Variants in IGDCC3 observed in about 807,000 individuals in gnomAD.
IGDCC3 encodes putative neuronal cell adhesion molecule.
In IGDCC3, 47 loss-of-function variants were observed where a neutral mutation model predicts 72.0. The observed-to-expected ratio is 0.65, with a 90% confidence interval of 0.52 to 0.83. IGDCC3 has a LOEUF of 0.83. Ranked by LOEUF, IGDCC3 falls within the 40% of genes least tolerant of loss-of-function variation. The pLI is 0.00. For synonymous variants in IGDCC3, 477 were observed against 472.8 expected (o/e 1.01, Z -0.11); for missense variants, 1,038 against 1,091.3 (o/e 0.95, Z 0.69).
chr15:65,353,414 C>T (rs2091187382), intron 2 of IGDCC3, among the ~76,000 whole-genome samples: 1 of 152,070 alleles, frequency 6.6e-6, no homozygotes, highest in Non-Finnish European at 1.5e-5. Context: ...TCATGCCTGG[C>T]TAATTTTTTG....
intron 2 of IGDCC3, among the ~76,000 whole-genome samples, chr15:65,357,101 C>T (rs1240066555): frequency 6.6e-6 from 1 of 151,912 alleles, no homozygotes; most frequent in Non-Finnish European, 1.5e-5. Flanking sequence ...ATCCGCCCAC[C>T]TCAGCCTCCC....
At chr15:65,335,554 G>A in intron 3 of IGDCC3, 133 bp from the exon 4 acceptor site, 1 of 999,686 alleles carries the variant, frequency 1.0e-6, no homozygotes, top group Middle Eastern at 2.3e-4. Flanking sequence ...CACACACTGG[G>A]ACTTTCAAAG....
At chr15:65,330,786 C>CTATA in intron 9 of IGDCC3, 45 bp from the exon 10 acceptor site, 1 of 1,423,432 alleles carries the variant, frequency 7.0e-7, no homozygotes. Flanking sequence ...CCAGTGGAAG[C>CTATA]TCTATCTTTC....
Position 65,327,131 on chromosome 15 carries a change from C to T in IGDCC3, c.*1778G>A, listed in dbSNP as rs2090924992. The T allele has an allele frequency of 6.5e-6, 1 of 152,772 alleles. No homozygotes were observed. The highest frequency in any genetic ancestry group is 2.4e-5 in the African/African-American group (1 of 41,462). 9.5% of individuals were successfully genotyped at this position (152,772 alleles called of 1,614,324 possible). A position where few individuals can be genotyped will look rare whatever the true frequency, so the allele number is the denominator to read the frequency against. Reference sequence around the variant, plus strand: ...CAACCACCCAAAAACTCCAGGTTCACTTTGGCAACAGGACTTTTATTCAGT... The same window carrying T: ...CAACCACCCAAAAACTCCAGGTTCATTTTGGCAACAGGACTTTTATTCAGT... On this transcript the variant is annotated 3_prime_UTR_variant, in exon 14 of 14. Coordinates refer to ENST00000327987, the MANE Select transcript of IGDCC3 (RefSeq NM_004884.4).
intron 1 of IGDCC3, among the ~76,000 whole-genome samples, chr15:65,376,263 G>C (rs1232418292): frequency 2.0e-5 from 3 of 152,228 alleles, no homozygotes; most frequent in Non-Finnish European, 4.4e-5. Flanking sequence ...GAAATGAGCA[G>C]GAAAAGAAGG....
chr15:65,329,164 G>C lies in IGDCC3; in HGVS notation c.2206-16C>G. 1 of 1,596,510 alleles carries C rather than the reference G, an allele frequency of 6.3e-7. No homozygotes were observed. The highest frequency in any genetic ancestry group is 1.1e-5 in the South Asian group (1 of 88,638). ...CAGGATCCTGCTGGGGAAAGAGCCC[G>C]TCACACAGGCGTCAGCTTGAGGGCC... On this transcript the variant is annotated splice_polypyrimidine_tract_variant and intron_variant, in intron 13 of 13. Coordinates refer to ENST00000327987, the MANE Select transcript of IGDCC3 (RefSeq NM_004884.4). The surrounding 1 kb of genome is among the most constrained non-coding windows in gnomAD (Gnocchi z 4.1).
chr15:65,337,844 T>G (rs581427), intron 2 of IGDCC3, among the ~76,000 whole-genome samples: 71,676 of 152,040 alleles, frequency 0.47, 19,202 homozygotes, highest in African/African-American at 0.74. Flanking sequence ...TCCAGCTGGA[T>G]AGGAGTTCCC....
At chr15:65,375,499 T>C in intron 1 of IGDCC3, 97 bp from the exon 2 acceptor site, 1 of 890,504 alleles carries the variant, frequency 1.1e-6, no homozygotes, top group Non-Finnish European at 1.7e-6. Flanking sequence ...GTTCCTTGGG[T>C]CTATGCACCC....
At chr15:65,367,226 A>G (rs1318853730) in intron 2 of IGDCC3, among the ~76,000 whole-genome samples, 3 of 151,918 alleles carry the variant, frequency 2.0e-5, no homozygotes, top group Non-Finnish European at 2.9e-5. Flanking sequence ...CATGCCTGTA[A>G]TCTCAGCTAT....
In IGDCC3 at chr15:65,331,092, T is replaced by C. The variant is rs759588889; in HGVS notation, c.1519A>G (p.Ser507Gly). ...GCTAGGGTGGGCACAGAGGCTGAGC[T>C]GGCCCCCCTTGGTGTGTAGGCCTTG... Reference protein sequence around the residue: ...YIKAYTPRGASSASVPTLAST... With the variant: ...YIKAYTPRGAGSASVPTLAST... The change falls in exon 9 of 14, where the codon AGC becomes GGC. Residue 507 changes from serine (S) to glycine (G), a missense_variant. Transcript: ENST00000327987. The C allele has an allele frequency of 5.6e-6, 9 of 1,614,038 alleles. No individual in the cohort carries two copies. The highest frequency in any genetic ancestry group is 6.8e-6 in the Non-Finnish European group (8 of 1,180,040).
chr15:65,338,247 C>A (rs183884102), intron 2 of IGDCC3, among the ~76,000 whole-genome samples: 25 of 152,382 alleles, frequency 1.6e-4, no homozygotes, highest in African/African-American at 5.0e-4. Flanking sequence ...TCCGTCAGAG[C>A]AGCACCTTGC....
chr15:65,363,722 G>C (rs1405327660), intron 2 of IGDCC3, among the ~76,000 whole-genome samples: 1 of 151,652 alleles, frequency 6.6e-6, no homozygotes, highest in Non-Finnish European at 1.5e-5. Flanking sequence ...TTCCTCTCCT[G>C]TGATTTGTTC....
At chr15:65,333,980 G>A (rs113360090) in intron 5 of IGDCC3, among the ~76,000 whole-genome samples, 33 of 152,114 alleles carry the variant, frequency 2.2e-4, no homozygotes, top group African/African-American at 6.0e-4. Context: ...CCAGGGACCC[G>A]AGCCCTTCCC....
rs190984051 is a variant in IGDCC3 at position 65,350,769 on chromosome 15, A to G, written c.410-14813T>C. On this transcript the variant is annotated intron_variant, in intron 2 of 13. Transcript: ENST00000327987. ...GAGCCATGGTACCCGACCAAGAGTC[A>G]GCTCTTATCTGCACTTCTGCCTGGT... Among the ~76,000 whole-genome samples, 346 of 152,340 alleles carry G rather than the reference A, an allele frequency of 2.3e-3. 1 individual carries two copies. Among genetic ancestry groups the G allele is most frequent in the Non-Finnish European group, 3.6e-3 (242 of 68,032 alleles).
chr15:65,335,990 T>C, intron 2 of IGDCC3, 34 bp from the exon 3 acceptor site: 1 of 1,611,796 alleles, frequency 6.2e-7, no homozygotes, highest in South Asian at 1.1e-5. Context: ...TGCAGTGCGC[T>C]GCTGAGGGCA....
At chr15:65,365,222 T>A (rs2091282714) in intron 2 of IGDCC3, among the ~76,000 whole-genome samples, 1 of 152,044 alleles carries the variant, frequency 6.6e-6, no homozygotes. Context: ...CAGGATTCTA[T>A]TGCTGCAGCC....
chr15:65,333,173 A>G lies in IGDCC3; in HGVS notation c.982+84T>C, dbSNP rs1297076778. On this transcript the variant is annotated intron_variant, in intron 6 of 13. Transcript: ENST00000327987. ...CGAGTCCAGGAGACTGGGGTGGGAC[A>G]GGGCCCTGGGGTTGGGCCTGGGCTG... 13 of 1,334,390 alleles carry G rather than the reference A, an allele frequency of 9.7e-6. No individual in the cohort carries two copies. In the East Asian group the frequency reaches 2.3e-4, roughly 24 times the overall value. 82.7% of individuals were successfully genotyped at this position (1,334,390 alleles called of 1,614,324 possible). A position where few individuals can be genotyped will look rare whatever the true frequency, so the allele number is the denominator to read the frequency against.
At chr15:65,345,264 G>A (rs991767799) in intron 2 of IGDCC3, among the ~76,000 whole-genome samples, 8 of 152,120 alleles carry the variant, frequency 5.3e-5, no homozygotes, top group Admixed American at 6.5e-5. Flanking sequence ...AGAAATAGAA[G>A]GATGATGGCC....
At chr15:65,364,453 G>A (rs2091278367) in intron 2 of IGDCC3, among the ~76,000 whole-genome samples, 2 of 152,136 alleles carry the variant, frequency 1.3e-5, no homozygotes, top group Admixed American at 1.3e-4. Context: ...CCAGCACATA[G>A]GTAGCCCTCA....
Sources: allele counts gnomAD v4.1 joint callset (sites outside exome capture counted in the v4.1 genomes callset), GRCh38; gene constraint gnomAD v4.1.1; non-coding constraint Gnocchi (gnomAD v3.1); transcripts MANE v1.5; gene names NCBI Gene and HGNC (gene_info 2026-07-23, HGNC 2026-07-21).